The following PCDHGA3 variants were observed in gnomAD, a reference collection of about 807,000 sequenced individuals.
PCDHGA3 encodes protocadherin gamma-A3.
Under a neutral mutation model 58.5 loss-of-function variants are expected in PCDHGA3, and 40 were observed. That is an observed-to-expected ratio of 0.68 (90% confidence interval 0.53 to 0.89). The LOEUF is 0.89. Among genes scored for constraint, PCDHGA3 ranks in the 40% least tolerant of loss-of-function variants. PCDHGA3 has a pLI of 0.00. For synonymous variants in PCDHGA3, 530 were observed against 525.7 expected, an observed-to-expected ratio of 1.01 and a Z score of -0.11; for missense variants, 1,223 against 1,195.9, an observed-to-expected ratio of 1.02 and a Z score of -0.33.
At chr5:141,441,087 TGACA>T (rs1168679217) in intron 1 of PCDHGA3, 1 of 152,174 alleles carries the variant, frequency 6.6e-6, no homozygotes, top group Non-Finnish European at 1.5e-5. Flanking sequence ...TGGTAGCAAG[TGACA>T]GAGAGGGACT....
intron 1 of PCDHGA3, among the ~76,000 whole-genome samples, chr5:141,436,896 A>C (rs567359498): frequency 6.6e-6 from 1 of 152,368 alleles, no homozygotes; most frequent in East Asian, 1.9e-4. Context: ...AAAGATTTTT[A>C]TATGAGACAA....
At chr5:141,402,391 T>C (rs1344810342) in intron 1 of PCDHGA3, among the ~76,000 whole-genome samples, 3 of 151,962 alleles carry the variant, frequency 2.0e-5, no homozygotes, top group African/African-American at 7.2e-5. Context: ...AAAAATTACT[T>C]CAGAAAATTG....
chr5:141,499,836 A>G (rs2099794751), intron 2 of PCDHGA3, among the ~76,000 whole-genome samples: 1 of 151,894 alleles, frequency 6.6e-6, no homozygotes, highest in African/African-American at 2.4e-5. Flanking sequence ...ACAGGTGTGC[A>G]CCACCACACA....
chr5:141,419,578 G>C (rs1339676992), intron 1 of PCDHGA3: 1 of 1,611,722 alleles, frequency 6.2e-7, no homozygotes. Flanking sequence ...ACGGCTCCGC[G>C]CTCTTCGACA....
intron 1 of PCDHGA3, chr5:141,400,255 C>T: frequency 6.2e-7 from 1 of 1,614,046 alleles, no homozygotes; most frequent in Non-Finnish European, 8.5e-7. Flanking sequence ...CGTTGCCTTG[C>T]GCCTGCGACG....
At chr5:141,395,029 A>G (rs1589250627) in intron 1 of PCDHGA3, 1 of 1,613,976 alleles carries the variant, frequency 6.2e-7, no homozygotes, top group Non-Finnish European at 8.5e-7. Context: ...CCTGCCTCAC[A>G]TTTTGTGGGT....
rs187307897 is a variant in PCDHGA3 at position 141,505,900 on chromosome 5, A to G, written c.2572+419A>G. 2.6e-4 allele frequency among the ~76,000 whole-genome samples: 39 copies of G among 152,296 alleles called. 1 individual carries two copies. In the East Asian group the frequency reaches 6.8e-3, roughly 26 times the overall value. ...TGTAGAGATTAAATGAGATGATACCACAAAGCATAGAGTTCTGGGCCTGGC... is the reference window on the plus strand; with the variant it reads ...TGTAGAGATTAAATGAGATGATACCGCAAAGCATAGAGTTCTGGGCCTGGC... On this transcript the variant is annotated intron_variant, in intron 3 of 3. Transcript: ENST00000253812.
chr5:141,425,890 G>A (rs943076854), intron 1 of PCDHGA3, among the ~76,000 whole-genome samples: 1 of 152,118 alleles, frequency 6.6e-6, no homozygotes, highest in Non-Finnish European at 1.5e-5. Flanking sequence ...AATCTTCTTT[G>A]GTAGTAAACA....
At chr5:141,408,619 T>C in intron 1 of PCDHGA3, 1 of 1,613,974 alleles carries the variant, frequency 6.2e-7, no homozygotes, top group South Asian at 1.1e-5. Context: ...AGGAAATACA[T>C]TTAGAAATTT....
chr5:141,460,921 T>C (rs984603258), intron 1 of PCDHGA3, among the ~76,000 whole-genome samples: 4 of 151,276 alleles, frequency 2.6e-5, no homozygotes, highest in African/African-American at 9.7e-5. Flanking sequence ...TGTATATATA[T>C]ATATGTGTGT....
intron 1 of PCDHGA3, chr5:141,418,346 A>G (rs780933957): frequency 1.7e-5 from 27 of 1,614,022 alleles, no homozygotes; most frequent in South Asian, 2.2e-5. Flanking sequence ...TCCTGATATT[A>G]GTATGAATTC....
At position 141,423,756 on chromosome 5, in the gene PCDHGA3, G is replaced by GGA. The variant is rs1554116833; in HGVS notation, c.2425-71050_2425-71049insAG. 3 of 448,454 alleles carry GGA rather than the reference G, an allele frequency of 6.7e-6. No individual in the cohort carries two copies. In the African/African-American group the frequency reaches 8.4e-5, roughly 13 times the overall value. The allele number at this position is 448,454 out of a possible 1,614,324, so 27.8% of individuals were successfully genotyped here. A position where few individuals can be genotyped will look rare whatever the true frequency, so the allele number is the denominator to read the frequency against. ...GCCTGTTATGAAAACTGTTTGGGGG[G>GGA]GGGGTGGGGCGGCATATATTTAGTT... On this transcript the variant is annotated intron_variant, in intron 1 of 3. Coordinates refer to ENST00000253812, the MANE Select transcript of PCDHGA3 (RefSeq NM_018916.4).
chr5:141,371,270 C>G (rs778912997), intron 1 of PCDHGA3: 24 of 1,613,894 alleles, frequency 1.5e-5, no homozygotes, highest in South Asian at 5.5e-5. Flanking sequence ...GACAACTGTT[C>G]AAGCTGGACA....
chr5:141,371,825 G>A (rs1239561889), intron 1 of PCDHGA3: 1 of 1,613,792 alleles, frequency 6.2e-7, no homozygotes, highest in Non-Finnish European at 8.5e-7. Context: ...TCAGAGCCTC[G>A]GATCCCGACT....
At chr5:141,482,673 G>A (rs1278135239) in intron 1 of PCDHGA3, among the ~76,000 whole-genome samples, 1 of 152,156 alleles carries the variant, frequency 6.6e-6, no homozygotes, top group Non-Finnish European at 1.5e-5. Context: ...TAAAGGTTGA[G>A]TAGTAGCTTG....
chr5:141,510,804 T>C (rs965530116), intron 3 of PCDHGA3, 143 bp from the exon 4 acceptor site: 2 of 1,504,768 alleles, frequency 1.3e-6, no homozygotes, highest in Admixed American at 2.0e-5. Flanking sequence ...AGAGACTACC[T>C]TGGTGACCCC....
chr5:141,407,338 A>G (rs1016766073), intron 1 of PCDHGA3, among the ~76,000 whole-genome samples: 33 of 152,208 alleles, frequency 2.2e-4, no homozygotes, highest in Non-Finnish European at 1.8e-4. Context: ...ATTGAAATGT[A>G]TGTTAATTTG....
At chr5:141,370,615 T>A in intron 1 of PCDHGA3, 2 of 1,613,882 alleles carry the variant, frequency 1.2e-6, no homozygotes, top group Non-Finnish European at 1.7e-6. Context: ...GAGAAGAAAT[T>A]CTTTACCGTG....
intron 1 of PCDHGA3, chr5:141,433,110 G>T (rs1031253372): frequency 1.2e-6 from 2 of 1,614,098 alleles, no homozygotes; most frequent in East Asian, 4.5e-5. Context: ...AGCCAGGAGA[G>T]CTTTGAAAAA....
Sources: allele counts gnomAD v4.1 joint callset (sites outside exome capture counted in the v4.1 genomes callset), GRCh38; gene constraint gnomAD v4.1.1; transcripts MANE v1.5; gene names NCBI Gene and HGNC (gene_info 2026-07-23, HGNC 2026-07-21).